The following PPARD variants were observed in gnomAD, a reference collection of about 807,000 sequenced individuals.
The protein encoded by PPARD is peroxisome proliferator activated receptor delta.
Under a neutral mutation model 39.5 loss-of-function variants are expected in PPARD, and 6 were observed. The observed-to-expected ratio is 0.15, with a 90% CI of 0.08 to 0.30. PPARD has a LOEUF of 0.30. Among genes scored for constraint, PPARD ranks in the 10% least tolerant of loss-of-function variants. The pLI is 1.00. For missense variants in PPARD, 397 were observed against 596.8 expected (o/e 0.67, Z 3.49); for synonymous variants, 210 against 231.3 (o/e 0.91, Z 0.83).
intron 2 of PPARD, among the ~76,000 whole-genome samples, chr6:35,355,710 C>CAA (rs1761568419): frequency 1.5e-5 from 2 of 137,694 alleles, no homozygotes; most frequent in African/African-American, 5.3e-5. Flanking sequence ...CTCCCAGGTT[C>CAA]GCGCCGTTCT....
rs1241418180 is a variant in PPARD, at chr6:35,424,246, A to G, written c.628-83A>G. 2 of 1,591,104 alleles carry G rather than the reference A, an allele frequency of 1.3e-6. No homozygotes were observed. The highest frequency in any genetic ancestry group is 1.7e-6 in the Non-Finnish European group (2 of 1,166,744). ...AGAGCCAGGCCTTCTCCCTCCCTCA[A>G]CTTCATGGTGCAGGCAAGGGACATG... is the stretch of plus-strand genomic sequence containing the variant. On this transcript the variant is annotated intron_variant, in intron 6 of 7. Coordinates refer to ENST00000360694, the MANE Select transcript of PPARD (RefSeq NM_006238.5). This position sits in a 1 kb window ranked among gnomAD's most constrained non-coding sequence, Gnocchi z 7.1.
At chr6:35,375,576 GT>G (rs1333482813) in intron 2 of PPARD, among the ~76,000 whole-genome samples, 1 of 151,814 alleles carries the variant, frequency 6.6e-6, no homozygotes, top group Non-Finnish European at 1.5e-5. Context: ...TTGAGACAGG[GT>G]CTAGCTCTTT....
At chr6:35,346,476 G>A (rs1792191837) in intron 1 of PPARD, among the ~76,000 whole-genome samples, 1 of 152,190 alleles carries the variant, frequency 6.6e-6, no homozygotes, top group Non-Finnish European at 1.5e-5. Context: ...CCTAATGGCT[G>A]CTTCTTGGAG....
intron 2 of PPARD, among the ~76,000 whole-genome samples, chr6:35,400,597 C>G (rs371968143): frequency 6.6e-6 from 1 of 151,928 alleles, no homozygotes; most frequent in Admixed American, 6.6e-5. Flanking sequence ...CCCAGGAGTT[C>G]GAGACCAGCC....
In PPARD at chr6:35,366,491, G is replaced by A. The variant is rs916161469; in HGVS notation, c.-102+19341G>A. Among the ~76,000 whole-genome samples the A allele has an allele frequency of 3.3e-5, 5 of 151,668 alleles. No homozygotes were observed. The East Asian group carries it at 7.7e-4, about 23-fold the overall frequency. On this transcript the variant is annotated intron_variant, in intron 2 of 7. Coordinates refer to ENST00000360694, the MANE Select transcript of PPARD (RefSeq NM_006238.5). The surrounding 1 kb of genome is among the most constrained non-coding windows in gnomAD (Gnocchi z 4.6). ...AAATGGAGAGAGATACACAGGCAGAGGCCTAGATTAGGAGATGGCTATAGT... is the reference window on the plus strand; with the variant it reads ...AAATGGAGAGAGATACACAGGCAGAAGCCTAGATTAGGAGATGGCTATAGT...
intron 2 of PPARD, among the ~76,000 whole-genome samples, chr6:35,399,039 G>A (rs146209039): frequency 7.4e-4 from 113 of 152,234 alleles, no homozygotes; most frequent in African/African-American, 2.4e-3. Flanking sequence ...CTTGAATCCA[G>A]GAGGCAGAAG....
At chr6:35,385,792 G>C (rs936158197) in intron 2 of PPARD, among the ~76,000 whole-genome samples, 3 of 152,122 alleles carry the variant, frequency 2.0e-5, no homozygotes, top group African/African-American at 7.2e-5. Context: ...GTCAGCAGGA[G>C]AGAGGCCCCG....
At chr6:35,419,703 A>G (rs9658148) in intron 3 of PPARD, among the ~76,000 whole-genome samples, 14 of 152,186 alleles carry the variant, frequency 9.2e-5, no homozygotes, top group African/African-American at 3.1e-4. Flanking sequence ...ACACATCTCC[A>G]TATGGGCCAC....
At chr6:35,403,984 T>C (rs558216756) in intron 2 of PPARD, among the ~76,000 whole-genome samples, 3 of 152,248 alleles carry the variant, frequency 2.0e-5, no homozygotes, top group South Asian at 4.1e-4. Context: ...ACAGGAGTCA[T>C]TTTCTGGCAG....
intron 2 of PPARD, among the ~76,000 whole-genome samples, chr6:35,400,564 C>T (rs567558099): frequency 1.3e-5 from 2 of 152,158 alleles, no homozygotes; most frequent in South Asian, 4.1e-4. Flanking sequence ...CTTTGGGAGG[C>T]TGAGGCGGGT....
intron 2 of PPARD, among the ~76,000 whole-genome samples, chr6:35,373,048 G>A (rs915149409): frequency 2.0e-5 from 3 of 152,208 alleles, no homozygotes; most frequent in African/African-American, 7.2e-5. Flanking sequence ...CCTTGTTGCT[G>A]TGTCCTCCAG....
intron 3 of PPARD, among the ~76,000 whole-genome samples, chr6:35,415,628 A>G (rs910128863): frequency 6.6e-6 from 1 of 152,222 alleles, no homozygotes; most frequent in Non-Finnish European, 1.5e-5. Flanking sequence ...GTTCATCATA[A>G]TAATGTTATT....
intron 2 of PPARD, among the ~76,000 whole-genome samples, chr6:35,349,666 G>C (rs1761115630): frequency 6.7e-6 from 1 of 148,404 alleles, no homozygotes; most frequent in Non-Finnish European, 1.5e-5. Context: ...GCCTGGCTAA[G>C]TTTTTTTTTT....
At chr6:35,380,430 A>T (rs1344691068) in intron 2 of PPARD, among the ~76,000 whole-genome samples, 2 of 139,262 alleles carry the variant, frequency 1.4e-5, no homozygotes, top group Non-Finnish European at 3.1e-5. Flanking sequence ...AGGGAAAGTT[A>T]ATTCATACTC....
intron 1 of PPARD, among the ~76,000 whole-genome samples, chr6:35,344,399 C>G (rs964026620): frequency 6.6e-6 from 1 of 152,052 alleles, no homozygotes; most frequent in African/African-American, 2.4e-5. Context: ...ACATCTGCTT[C>G]CAGTCACATA....
chr6:35,394,897 A>G (rs1435473028), intron 2 of PPARD, among the ~76,000 whole-genome samples: 2 of 152,072 alleles, frequency 1.3e-5, no homozygotes, highest in Non-Finnish European at 2.9e-5. Context: ...TCATCTCAGC[A>G]TTGCCACTGC....
intron 2 of PPARD, among the ~76,000 whole-genome samples, chr6:35,350,465 A>G (rs1761170998): frequency 1.3e-5 from 2 of 152,214 alleles, no homozygotes; most frequent in Non-Finnish European, 2.9e-5. Context: ...TCATCTCCAT[A>G]TGAATATCCA....
chr6:35,362,095 A>G (rs532407989), intron 2 of PPARD, among the ~76,000 whole-genome samples: 8 of 152,300 alleles, frequency 5.3e-5, no homozygotes, highest in African/African-American at 1.9e-4. Context: ...CTGCTTTGAT[A>G]TATGATTTTT....
intron 2 of PPARD, among the ~76,000 whole-genome samples, chr6:35,355,915 T>A (rs1203009875): frequency 6.6e-6 from 1 of 151,712 alleles, no homozygotes; most frequent in Non-Finnish European, 1.5e-5. Context: ...CCGACCTCTT[T>A]CTTATATAAT....
Sources: allele counts gnomAD v4.1 joint callset (sites outside exome capture counted in the v4.1 genomes callset), GRCh38; gene constraint gnomAD v4.1.1; non-coding constraint Gnocchi (gnomAD v3.1); transcripts MANE v1.5; gene names NCBI Gene and HGNC (gene_info 2026-07-23, HGNC 2026-07-21).